Variants in ADAMTS18 observed in about 807,000 individuals in gnomAD.
The protein encoded by ADAMTS18 is ADAM metallopeptidase with thrombospondin type 1 motif 18.
ADAMTS18 carries 157 observed loss-of-function variants against 165.9 expected under a neutral mutation model. The ratio of observed to expected loss-of-function variants is 0.95; its 90% confidence interval spans 0.83 to 1.08. The LOEUF is 1.08. ADAMTS18 is among the 50% of genes least tolerant of loss of function. The pLI is 0.00. For synonymous variants in ADAMTS18, 782 were observed against 578.2 expected (o/e 1.35, Z -5.06); for missense variants, 2,040 against 1,534.0 (o/e 1.33, Z -5.51).
At chr16:77,362,386 G>A in intron 6 of ADAMTS18, 122 bp from the exon 7 acceptor site, 3 of 1,090,982 alleles carry the variant, frequency 2.7e-6, no homozygotes, top group Non-Finnish European at 4.1e-6. Flanking sequence ...GTAAACACTT[G>A]AGCTAAGGTA....
At chr16:77,347,117 A>G (rs536870274) in intron 10 of ADAMTS18, among the ~76,000 whole-genome samples, 2 of 152,330 alleles carry the variant, frequency 1.3e-5, no homozygotes, top group South Asian at 2.1e-4. Flanking sequence ...GTGTGTATCA[A>G]TAGTTCATTC....
chr16:77,431,700 G>A (rs1197515391), intron 2 of ADAMTS18, 89 bp from the exon 3 acceptor site: 9 of 1,346,162 alleles, frequency 6.7e-6, no homozygotes, highest in Non-Finnish European at 9.5e-6. Flanking sequence ...GCAACACAAA[G>A]CTCAAAGATA....
intron 3 of ADAMTS18, among the ~76,000 whole-genome samples, chr16:77,387,796 C>G (rs1006743187): frequency 6.6e-6 from 1 of 152,176 alleles, no homozygotes; most frequent in Non-Finnish European, 1.5e-5. Flanking sequence ...ATTTGTCCAT[C>G]GACAAGACTG....
intron 16 of ADAMTS18, among the ~76,000 whole-genome samples, chr16:77,314,753 C>T (rs867093130): frequency 1.4e-4 from 5 of 36,908 alleles, no homozygotes; most frequent in East Asian, 6.5e-4. Flanking sequence ...TCTCAGGTTT[C>T]ATATATATAT....
At chr16:77,375,795 C>T (rs183150407) in intron 3 of ADAMTS18, among the ~76,000 whole-genome samples, 4 of 151,956 alleles carry the variant, frequency 2.6e-5, no homozygotes, top group Admixed American at 6.5e-5. Context: ...TTTTCACAGG[C>T]TGTACAAGAA....
At chr16:77,429,486 TG>T (rs2057712969) in intron 3 of ADAMTS18, among the ~76,000 whole-genome samples, 1 of 152,196 alleles carries the variant, frequency 6.6e-6, no homozygotes, top group Non-Finnish European at 1.5e-5. Context: ...CATTGGGTAC[TG>T]GGCTTAATAT....
chr16:77,295,054 C>A lies in ADAMTS18; in HGVS notation c.2875G>T (p.Val959Leu), dbSNP rs781350645. The A allele has an allele frequency of 6.2e-7, 1 of 1,614,192 alleles. No homozygotes were observed. The highest frequency in any genetic ancestry group is 1.1e-5 in the South Asian group (1 of 91,084). Residue 959 changes from valine (V) to leucine (L), a missense_variant, in exon 19 of 23, where the codon GTG becomes TTG. Transcript: ENST00000282849. ...GGQQSRKIQC[V>L]QKKPFQKEEA... is the part of the protein sequence containing the mutation. The stretch of plus-strand genomic sequence containing the variant: ...TCCTTTTGGAAGGGCTTCTTTTGCA[C>A]ACACTGGATCTTTCGGCTCTGCTGG...
intron 22 of ADAMTS18, among the ~76,000 whole-genome samples, chr16:77,288,451 G>C (rs1038427695): frequency 1.3e-5 from 2 of 151,862 alleles, no homozygotes; most frequent in Admixed American, 6.6e-5. Context: ...AGCAGATTAG[G>C]CTGAAAGATA....
chr16:77,377,962 A>G (rs941764200), intron 3 of ADAMTS18, among the ~76,000 whole-genome samples: 2 of 152,206 alleles, frequency 1.3e-5, no homozygotes, highest in Non-Finnish European at 1.5e-5. Context: ...AGAAAAATTA[A>G]AGACTAAGTA....
At chr16:77,312,167 C>T (rs910862103) in intron 16 of ADAMTS18, among the ~76,000 whole-genome samples, 5 of 151,966 alleles carry the variant, frequency 3.3e-5, no homozygotes, top group African/African-American at 9.7e-5. Context: ...ATTGATGAAC[C>T]GGATCAATTC....
At chr16:77,400,456 CTG>C (rs796918149) in intron 3 of ADAMTS18, among the ~76,000 whole-genome samples, 43,177 of 110,342 alleles carry the variant, frequency 0.39, 8,560 homozygotes, top group Non-Finnish European at 0.5. Flanking sequence ...GTGTGTGTGT[CTG>C]TGTGTGTGTG....
chr16:77,353,408 T>C (rs944780313), intron 10 of ADAMTS18, among the ~76,000 whole-genome samples: 9 of 152,156 alleles, frequency 5.9e-5, no homozygotes, highest in Admixed American at 1.3e-4. Flanking sequence ...TAACAGGGAA[T>C]AGGATCATAT....
intron 13 of ADAMTS18, among the ~76,000 whole-genome samples, chr16:77,325,543 A>T (rs2056077891): frequency 1.3e-5 from 2 of 152,136 alleles, no homozygotes; most frequent in Non-Finnish European, 2.9e-5. Flanking sequence ...TGGACAGTTC[A>T]TACCAATTTC....
At chr16:77,300,657 G>A (rs907542810) in intron 16 of ADAMTS18, among the ~76,000 whole-genome samples, 1 of 151,900 alleles carries the variant, frequency 6.6e-6, no homozygotes, top group African/African-American at 2.4e-5. Context: ...TTTGCCATAA[G>A]CCCATAACGT....
intron 3 of ADAMTS18, among the ~76,000 whole-genome samples, chr16:77,427,497 G>C (rs1292803899): frequency 6.6e-6 from 1 of 152,206 alleles, no homozygotes; most frequent in East Asian, 1.9e-4. Flanking sequence ...AGAAAGGACA[G>C]ACATGGCAGA....
chr16:77,288,835 G>C (rs909405103), intron 22 of ADAMTS18, among the ~76,000 whole-genome samples: 9 of 152,138 alleles, frequency 5.9e-5, no homozygotes, highest in African/African-American at 2.2e-4. Context: ...AGGATAGGCT[G>C]GGCATGTGGC....
intron 16 of ADAMTS18, among the ~76,000 whole-genome samples, chr16:77,312,965 A>T (rs1488378123): frequency 6.6e-6 from 1 of 152,174 alleles, no homozygotes; most frequent in Non-Finnish European, 1.5e-5. Flanking sequence ...AAGGATTATA[A>T]ATCATGCTGC....
intron 16 of ADAMTS18, among the ~76,000 whole-genome samples, chr16:77,316,082 C>G (rs1407400061): frequency 1.3e-5 from 2 of 152,166 alleles, no homozygotes; most frequent in Admixed American, 1.3e-4. Context: ...AGTAACTTTT[C>G]TAGCTTCCAG....
At position 77,346,680 on chromosome 16, in the gene ADAMTS18, C is replaced by T. The variant is rs550902196; in HGVS notation, c.1615-4881G>A. Among the ~76,000 whole-genome samples the T allele has an allele frequency of 3.6e-4, 54 of 152,070 alleles. 1 individual carries two copies. Among genetic ancestry groups the T allele is most frequent in the Non-Finnish European group, 6.8e-4 (46 of 68,012 alleles). ...TTTTAGCAGTTAAGTCTCTAGTTGGCCTGGATTTAAGCCCATGTATGCCTG... is the reference window on the plus strand; with the variant it reads ...TTTTAGCAGTTAAGTCTCTAGTTGGTCTGGATTTAAGCCCATGTATGCCTG... On this transcript the variant is annotated intron_variant, in intron 10 of 22. Transcript: ENST00000282849.
Sources: gnomAD v4.1 joint callset for allele counts (sites outside exome capture counted in the v4.1 genomes callset) on GRCh38, gnomAD v4.1.1 for gene constraint, MANE v1.5 for transcripts, NCBI Gene and HGNC (gene_info 2026-07-23, HGNC 2026-07-21) for gene names.